The following DLG2 variants were observed in gnomAD, a reference collection of about 807,000 sequenced individuals.
The protein encoded by DLG2 is disks large homolog 2.
In DLG2, 45 loss-of-function variants were observed where a neutral mutation model predicts 132.5. The observed-to-expected ratio is 0.34, with a 90% CI of 0.27 to 0.44. The LOEUF (loss-of-function observed/expected upper bound fraction) is 0.44, where lower values mean the gene tolerates loss of function less well. Ranked by LOEUF, DLG2 falls within the 20% of genes least tolerant of loss-of-function variation. DLG2 has a pLI of 1.00. For synonymous variants in DLG2, 424 were observed against 419.6 expected, an observed-to-expected ratio of 1.01 and a Z score of -0.13; for missense variants, 1,045 against 1,196.9, an observed-to-expected ratio of 0.87 and a Z score of 1.87.
chr11:84,637,636 G>A (rs1358062162), intron 6 of DLG2, among the ~76,000 whole-genome samples: 2 of 152,204 alleles, frequency 1.3e-5, no homozygotes, highest in African/African-American at 4.8e-5. Flanking sequence ...CTTGTCTGGG[G>A]AAGTTCAGAT....
intron 12 of DLG2, among the ~76,000 whole-genome samples, chr11:83,967,592 C>A (rs954399794): frequency 6.6e-6 from 1 of 152,024 alleles, no homozygotes; most frequent in Admixed American, 6.6e-5. Context: ...TAATGTTTTT[C>A]TACTCTTGAG....
chr11:84,840,040 G>A (rs372893339), intron 6 of DLG2, among the ~76,000 whole-genome samples: 14 of 151,956 alleles, frequency 9.2e-5, no homozygotes, highest in Admixed American at 2.0e-4. Flanking sequence ...AACTACCATC[G>A]AGTGAACAGG....
chr11:84,922,498 C>T (rs188292538), intron 6 of DLG2, among the ~76,000 whole-genome samples: 60 of 152,270 alleles, frequency 3.9e-4, no homozygotes, highest in Non-Finnish European at 7.4e-4. Context: ...GTGACAACAG[C>T]GGGACAGCAG....
At chr11:83,682,372 G>A in intron 18 of DLG2, 1 of 985,342 alleles carries the variant, frequency 1.0e-6, no homozygotes, top group African/African-American at 1.7e-5. Context: ...TGACCATGCA[G>A]CATTCTCGCT....
intron 10 of DLG2, among the ~76,000 whole-genome samples, chr11:84,068,691 G>T (rs894483390): frequency 2.0e-5 from 3 of 152,048 alleles, no homozygotes; most frequent in Non-Finnish European, 4.4e-5. Flanking sequence ...TAAAAATACA[G>T]TATTTATAAA....
chr11:84,517,851 A>T (rs1311709386), intron 7 of DLG2, among the ~76,000 whole-genome samples: 1 of 152,052 alleles, frequency 6.6e-6, no homozygotes, highest in African/African-American at 2.4e-5. Context: ...ATTTGCCACA[A>T]CATGGATGAA....
chr11:84,591,598 T>C (rs2154530696), intron 6 of DLG2, among the ~76,000 whole-genome samples: 1 of 151,434 alleles, frequency 6.6e-6, no homozygotes, highest in African/African-American at 2.4e-5. Context: ...GAGGTGGAGG[T>C]TGCAGTGAGT....
At position 85,066,653 on chromosome 11, in the gene DLG2, A is replaced by G. The variant is rs2064966240; in HGVS notation, c.357+45008T>C. Among the ~76,000 whole-genome samples, 4 of 151,922 alleles carry G rather than the reference A, an allele frequency of 2.6e-5. No homozygotes were observed. The South Asian group carries it at 8.3e-4, about 32-fold the overall frequency. Reference sequence around the variant, plus strand: ...TAGTTCAACATACAGAAATCAATAAATGTGATTCACCACATAAACAAAGTT... The same window carrying G: ...TAGTTCAACATACAGAAATCAATAAGTGTGATTCACCACATAAACAAAGTT... On this transcript the variant is annotated intron_variant, in intron 6 of 27. Transcript: ENST00000376104.
At chr11:83,759,221 G>C (rs1162632030) in intron 18 of DLG2, among the ~76,000 whole-genome samples, 1 of 152,212 alleles carries the variant, frequency 6.6e-6, no homozygotes, top group Non-Finnish European at 1.5e-5. Flanking sequence ...AAGCTTTATA[G>C]AGGAGGGAGA....
intron 21 of DLG2, among the ~76,000 whole-genome samples, chr11:83,491,146 GTT>G (rs5793064): frequency 5.6e-4 from 78 of 139,022 alleles, no homozygotes; most frequent in African/African-American, 1.8e-3. Flanking sequence ...TTTTTTTTCT[GTT>G]TTTTTTTTTT....
At chr11:84,001,476 G>C (rs1274267758) in intron 11 of DLG2, among the ~76,000 whole-genome samples, 4 of 152,024 alleles carry the variant, frequency 2.6e-5, no homozygotes. Flanking sequence ...GTTCTGAAGA[G>C]AAAGATAGAT....
At chr11:85,435,000 T>A (rs1337563986) in intron 3 of DLG2, among the ~76,000 whole-genome samples, 4 of 152,222 alleles carry the variant, frequency 2.6e-5, no homozygotes, top group Non-Finnish European at 4.4e-5. Context: ...ATCCCTGGGA[T>A]GCAAGGCTGG....
At chr11:85,175,832 G>A (rs1204903699) in intron 4 of DLG2, among the ~76,000 whole-genome samples, 1 of 152,020 alleles carries the variant, frequency 6.6e-6, no homozygotes, top group Non-Finnish European at 1.5e-5. Flanking sequence ...GGCAAGCAGA[G>A]AGCCAAATCA....
chr11:84,825,349 C>A (rs2078207784), intron 6 of DLG2, among the ~76,000 whole-genome samples: 1 of 151,870 alleles, frequency 6.6e-6, no homozygotes, highest in Admixed American at 6.6e-5. Context: ...TGACAAACTA[C>A]ACACACTCAA....
intron 6 of DLG2, among the ~76,000 whole-genome samples, chr11:84,788,299 A>G (rs1473510288): frequency 6.6e-6 from 1 of 152,026 alleles, no homozygotes; most frequent in Non-Finnish European, 1.5e-5. Context: ...AGAGCCTCCT[A>G]TGTAAGTACT....
intron 6 of DLG2, among the ~76,000 whole-genome samples, chr11:84,574,674 A>C (rs1405573958): frequency 6.6e-6 from 1 of 152,132 alleles, no homozygotes; most frequent in African/African-American, 2.4e-5. Flanking sequence ...ATCACAGTGA[A>C]AGTTTCAGAG....
chr11:85,127,797 T>C (rs1385229001), intron 5 of DLG2, among the ~76,000 whole-genome samples: 1 of 152,178 alleles, frequency 6.6e-6, no homozygotes, highest in Non-Finnish European at 1.5e-5. Context: ...TCATTTTAGC[T>C]TTTCCAAATA....
At chr11:83,486,979 ATTTT>A (rs57785977) in intron 21 of DLG2, among the ~76,000 whole-genome samples, 2 of 151,664 alleles carry the variant, frequency 1.3e-5, no homozygotes, top group African/African-American at 4.8e-5. Context: ...TGCTGCTGTA[ATTTT>A]TTTTCTTTTA....
At chr11:84,919,507 G>A (rs915823033) in intron 6 of DLG2, among the ~76,000 whole-genome samples, 1 of 146,828 alleles carries the variant, frequency 6.8e-6, no homozygotes, top group African/African-American at 2.7e-5. Context: ...ACTCTAAAGA[G>A]TAGTAAGTCA....
Sources: gnomAD v4.1 joint callset for allele counts (sites outside exome capture counted in the v4.1 genomes callset) on GRCh38, gnomAD v4.1.1 for gene constraint, MANE v1.5 for transcripts, NCBI Gene and HGNC (gene_info 2026-07-23, HGNC 2026-07-21) for gene names.